Variants in LARGE1 observed in about 807,000 individuals in gnomAD.
LARGE1 encodes xylosyl- and glucuronyltransferase LARGE1.
Under a neutral mutation model 87.6 loss-of-function variants are expected in LARGE1, and 43 were observed. The ratio of observed to expected loss-of-function variants is 0.49; its 90% confidence interval spans 0.38 to 0.63. LARGE1 has a LOEUF of 0.63. Among genes scored for constraint, LARGE1 ranks in the 30% least tolerant of loss-of-function variants. The probability of loss-of-function intolerance (pLI) is 0.00; values close to 1 mark genes in which losing one functional copy is unlikely to be tolerated. For missense variants in LARGE1, 802 were observed against 1,000.2 expected (o/e 0.80, Z 2.67); for synonymous variants, 434 against 394.6 (o/e 1.10, Z -1.18).
chr22:33,611,298 C>A (rs1041022655), intron 4 of LARGE1, among the ~76,000 whole-genome samples: 5 of 152,384 alleles, frequency 3.3e-5, no homozygotes, highest in Admixed American at 2.0e-4. Flanking sequence ...ATGAGAGCAG[C>A]TGCAGGGGCT....
At chr22:33,565,123 T>G (rs1482805625) in intron 5 of LARGE1, 104 bp from the exon 6 acceptor site, 1 of 1,036,758 alleles carries the variant, frequency 9.6e-7, no homozygotes, top group African/African-American at 1.6e-5. Context: ...ACAAAAAGTA[T>G]CCAATAAAAA....
intron 1 of LARGE1, among the ~76,000 whole-genome samples, chr22:33,768,850 T>C (rs2084983924): frequency 1.3e-5 from 2 of 152,234 alleles, no homozygotes; most frequent in Non-Finnish European, 2.9e-5. Context: ...TTTTCAGATA[T>C]GCAGAATCTC....
intron 6 of LARGE1, among the ~76,000 whole-genome samples, chr22:33,465,819 T>C (rs1000052614): frequency 6.6e-6 from 1 of 152,240 alleles, no homozygotes; most frequent in African/African-American, 2.4e-5. Context: ...GGAATCTGCG[T>C]CTGCCCAAAT....
intron 6 of LARGE1, among the ~76,000 whole-genome samples, chr22:33,437,843 A>G (rs2067326223): frequency 6.6e-6 from 1 of 152,230 alleles, no homozygotes; most frequent in Non-Finnish European, 1.5e-5. Context: ...AAGCAGCATG[A>G]TATTAGCAGT....
chr22:33,912,811 T>C (rs911349098), intron 1 of LARGE1, among the ~76,000 whole-genome samples: 75 of 147,024 alleles, frequency 5.1e-4, no homozygotes, highest in Admixed American at 1.9e-3. Context: ...TCTGTTACAG[T>C]GAAGGAAGAA....
intron 1 of LARGE1, among the ~76,000 whole-genome samples, chr22:33,911,876 G>T (rs2065648491): frequency 1.3e-5 from 2 of 152,184 alleles, no homozygotes; most frequent in South Asian, 4.1e-4. Flanking sequence ...GCCTTGAGGA[G>T]CTCAAGTCTA....
At chr22:33,584,372 C>T (rs2078607209) in intron 5 of LARGE1, among the ~76,000 whole-genome samples, 2 of 152,162 alleles carry the variant, frequency 1.3e-5, no homozygotes, top group Non-Finnish European at 2.9e-5. Context: ...ATCACAGTGG[C>T]CCCCAAGGCT....
chr22:33,104,855 T>G, the LARGE1 span, among the ~76,000 whole-genome samples: 3 of 152,158 alleles, frequency 2.0e-5, no homozygotes, highest in East Asian at 1.9e-4. Context: ...TCATGGCTCA[T>G]AAATAGAAGC....
At chr22:33,089,771 C>A in the LARGE1 span, among the ~76,000 whole-genome samples, 1 of 60,294 alleles carries the variant, frequency 1.7e-5, no homozygotes, top group Non-Finnish European at 2.8e-5. Context: ...GCTGGGATTA[C>A]AGATACAGAG....
chr22:33,626,185 G>C lies in LARGE1; in HGVS notation c.491+59C>G, dbSNP rs1039141419. The C allele has an allele frequency of 2.7e-6, 4 of 1,464,122 alleles. No homozygotes were observed. The African/African-American group carries it at 4.1e-5, about 15-fold the overall frequency. The allele number at this position is 1,464,122 out of a possible 1,614,324, so 90.7% of individuals were successfully genotyped here. On this transcript the variant is annotated intron_variant, in intron 4 of 14. Transcript: ENST00000397394. ...TGCTCCTATTTAACCCTTCCCCAAGGAAATACACAGGCAGGCAGTGACAGA... is the reference window on the plus strand; with the variant it reads ...TGCTCCTATTTAACCCTTCCCCAAGCAAATACACAGGCAGGCAGTGACAGA...
intron 6 of LARGE1, among the ~76,000 whole-genome samples, chr22:33,497,550 T>C (rs2148338500): frequency 6.6e-6 from 1 of 152,346 alleles, no homozygotes; most frequent in Middle Eastern, 3.4e-3. Flanking sequence ...TGTGCTTCAG[T>C]AGAGATCATT....
intron 1 of LARGE1, among the ~76,000 whole-genome samples, chr22:33,876,795 A>G (rs1016885753): frequency 6.6e-6 from 1 of 152,098 alleles, no homozygotes; most frequent in African/African-American, 2.4e-5. Flanking sequence ...CATTCTGCAC[A>G]TGTATCTCAA....
At chr22:33,222,622 A>T (rs1341921763) in intron 11 of LARGE1, among the ~76,000 whole-genome samples, 1 of 152,184 alleles carries the variant, frequency 6.6e-6, no homozygotes, top group Non-Finnish European at 1.5e-5. Flanking sequence ...GGAGAAGACC[A>T]TGTGAAGACA....
intron 6 of LARGE1, among the ~76,000 whole-genome samples, chr22:33,520,445 G>A (rs192754837): frequency 7.2e-5 from 11 of 152,214 alleles, no homozygotes; most frequent in African/African-American, 2.2e-4. Flanking sequence ...CCACAATCCC[G>A]CAGGGAGACA....
intron 1 of LARGE1, among the ~76,000 whole-genome samples, chr22:33,902,455 C>A (rs770797825): frequency 2.6e-5 from 4 of 152,206 alleles, no homozygotes; most frequent in Non-Finnish European, 5.9e-5. Context: ...ACAATTCCAA[C>A]ACGGCAGCAC....
In LARGE1 at chr22:33,429,859, C is replaced by T. The variant is rs374630298; in HGVS notation, c.892+2302G>A. On this transcript the variant is annotated intron_variant, in intron 7 of 14. Coordinates refer to ENST00000397394, the MANE Select transcript of LARGE1 (RefSeq NM_133642.5). Reference sequence around the variant, plus strand: ...GCACGTGGAACCCCCGTCCCTGGCCCGCTGTGGGTTCATGGAGGGTCCAGT... The same window carrying T: ...GCACGTGGAACCCCCGTCCCTGGCCTGCTGTGGGTTCATGGAGGGTCCAGT... Among the ~76,000 whole-genome samples, 112 of 152,230 alleles carry T rather than the reference C, an allele frequency of 7.4e-4. 1 individual carries two copies. Among genetic ancestry groups the T allele is most frequent in the African/African-American group, 2.3e-3 (94 of 41,542 alleles).
At chr22:33,121,635 A>G in the LARGE1 span, among the ~76,000 whole-genome samples, 20 of 152,218 alleles carry the variant, frequency 1.3e-4, no homozygotes, top group African/African-American at 4.6e-4. Context: ...CATCTCAGAT[A>G]CTTCACCCTT....
intron 2 of LARGE1, among the ~76,000 whole-genome samples, chr22:33,665,954 C>T (rs1389945104): frequency 6.6e-6 from 1 of 151,560 alleles, no homozygotes; most frequent in Non-Finnish European, 1.5e-5. Context: ...GTTTAAGTAA[C>T]TTGCAAGATT....
intron 4 of LARGE1, among the ~76,000 whole-genome samples, chr22:33,612,230 T>C (rs758624402): frequency 6.0e-5 from 9 of 150,748 alleles, no homozygotes; most frequent in Non-Finnish European, 1.2e-4. Flanking sequence ...CAGCCTCCCA[T>C]GTAGCTGGGA....
Sources: gnomAD v4.1 joint callset for allele counts (sites outside exome capture counted in the v4.1 genomes callset) on GRCh38, gnomAD v4.1.1 for gene constraint, MANE v1.5 for transcripts, NCBI Gene and HGNC (gene_info 2026-07-23, HGNC 2026-07-21) for gene names.